ASCC3: variants seen among roughly 807,000 people sequenced by gnomAD.
The protein encoded by ASCC3 is ASC-1 complex subunit P200.
Under a neutral mutation model 256.3 loss-of-function variants are expected in ASCC3, and 158 were observed. The observed-to-expected ratio is 0.62, with a 90% CI of 0.54 to 0.70. The LOEUF (loss-of-function observed/expected upper bound fraction) is 0.70. Among genes scored for constraint, ASCC3 ranks in the 30% least tolerant of loss-of-function variants. The pLI, the probability that ASCC3 is intolerant of heterozygous loss-of-function variation, is 0.00. For synonymous variants in ASCC3, 948 were observed against 883.4 expected (o/e 1.07, Z -1.30); for missense variants, 2,259 against 2,626.0 (o/e 0.86, Z 3.05).
intron 36 of ASCC3, among the ~76,000 whole-genome samples, chr6:100,587,592 A>G (rs1301991566): frequency 6.6e-6 from 1 of 152,224 alleles, no homozygotes; most frequent in Non-Finnish European, 1.5e-5. Flanking sequence ...TGGACTAAAC[A>G]CCATGGGAGA....
intron 13 of ASCC3, among the ~76,000 whole-genome samples, chr6:100,690,862 A>C (rs1202928262): frequency 6.6e-6 from 1 of 152,048 alleles, no homozygotes; most frequent in Non-Finnish European, 1.5e-5. Flanking sequence ...TTCTCAAGAA[A>C]CCCAAGCTTT....
chr6:100,823,083 A>G (rs1771131986), intron 4 of ASCC3, among the ~76,000 whole-genome samples: 1 of 152,224 alleles, frequency 6.6e-6, no homozygotes, highest in African/African-American at 2.4e-5. Flanking sequence ...TTTGCTCTTA[A>G]TAGGATTTCC....
intron 13 of ASCC3, among the ~76,000 whole-genome samples, chr6:100,699,766 A>T (rs1778265277): frequency 6.6e-6 from 1 of 152,264 alleles, no homozygotes; most frequent in South Asian, 2.1e-4. Flanking sequence ...ACTGGAGCAA[A>T]GGTGACTCTT....
At chr6:100,837,775 G>A (rs1210497526) in intron 4 of ASCC3, among the ~76,000 whole-genome samples, 3 of 152,024 alleles carry the variant, frequency 2.0e-5, no homozygotes, top group East Asian at 3.9e-4. Flanking sequence ...CAATGGGTAC[G>A]AAGTTACAGT....
At chr6:100,828,039 T>C (rs891851222) in intron 4 of ASCC3, among the ~76,000 whole-genome samples, 1 of 150,660 alleles carries the variant, frequency 6.6e-6, no homozygotes, top group Non-Finnish European at 1.5e-5. Flanking sequence ...GAAAAATGTT[T>C]TTGTCAAACA....
intron 8 of ASCC3, among the ~76,000 whole-genome samples, chr6:100,778,347 T>C (rs1782287374): frequency 6.6e-6 from 1 of 152,142 alleles, no homozygotes; most frequent in Non-Finnish European, 1.5e-5. Context: ...CAAAATTATA[T>C]AGTAGCAGCA....
intron 4 of ASCC3, among the ~76,000 whole-genome samples, chr6:100,815,266 T>C (rs1582904383): frequency 6.6e-6 from 1 of 151,956 alleles, no homozygotes; most frequent in African/African-American, 2.4e-5. Flanking sequence ...AAATCAGAGA[T>C]AACACAAACA....
chr6:100,806,006 A>T (rs1011890003), intron 4 of ASCC3, 126 bp from the exon 5 acceptor site: 3 of 889,570 alleles, frequency 3.4e-6, no homozygotes, highest in African/African-American at 3.4e-5. Context: ...AAAATTTAAT[A>T]AAAATGGTAC....
intron 16 of ASCC3, among the ~76,000 whole-genome samples, chr6:100,657,805 T>G (rs1234539617): frequency 3.3e-5 from 5 of 151,498 alleles, no homozygotes; most frequent in Non-Finnish European, 5.9e-5. Flanking sequence ...ACAAGACTAC[T>G]CAGAAAAATG....
intron 36 of ASCC3, among the ~76,000 whole-genome samples, chr6:100,550,793 T>C (rs1769253925): frequency 6.6e-6 from 1 of 151,974 alleles, no homozygotes; most frequent in South Asian, 2.1e-4. Context: ...ATTTATTGCA[T>C]TAATCCCCTT....
chr6:100,688,745 G>A (rs1452962262), intron 13 of ASCC3, among the ~76,000 whole-genome samples: 9 of 152,126 alleles, frequency 5.9e-5, no homozygotes, highest in Admixed American at 4.6e-4. Context: ...TAACGGGCTC[G>A]CCTAGCACTG....
intron 3 of ASCC3, chr6:100,858,134 T>A (rs537604315): frequency 5.7e-5 from 13 of 226,472 alleles, no homozygotes; most frequent in Non-Finnish European, 8.5e-5. Context: ...GTAAAATAAA[T>A]TAAAATTTTA....
At chr6:100,583,508 G>A (rs886683699) in intron 36 of ASCC3, among the ~76,000 whole-genome samples, 7 of 151,940 alleles carry the variant, frequency 4.6e-5, no homozygotes, top group East Asian at 1.9e-4. Flanking sequence ...CTAGTGGTCT[G>A]TCAATTTTGT....
chr6:100,780,909 T>C (rs1269089493), intron 8 of ASCC3, among the ~76,000 whole-genome samples: 1 of 152,208 alleles, frequency 6.6e-6, no homozygotes, highest in African/African-American at 2.4e-5. Flanking sequence ...GGTTGACAAA[T>C]ACTTTACAAA....
intron 36 of ASCC3, among the ~76,000 whole-genome samples, chr6:100,563,256 T>G (rs902229323): frequency 6.6e-6 from 1 of 152,164 alleles, no homozygotes; most frequent in South Asian, 2.1e-4. Flanking sequence ...TCTTCAACTC[T>G]TTTTTGTGCT....
At chr6:100,619,272 G>A (rs1208391975) in intron 30 of ASCC3, among the ~76,000 whole-genome samples, 2 of 152,142 alleles carry the variant, frequency 1.3e-5, no homozygotes, top group African/African-American at 4.8e-5. Context: ...AGGATTAACA[G>A]TTTACTTGGA....
rs528137934 is a variant in ASCC3, at chr6:100,728,941, C to T, written c.1738-3238G>A. ...AGTCATGCCAATTCAACCTCATTTT[C>T]ACATCGGATAAAGTCAACAAGAAGG... On this transcript the variant is annotated intron_variant, in intron 10 of 41. Transcript: ENST00000369162. 4.6e-5 allele frequency among the ~76,000 whole-genome samples: 7 copies of T among 152,202 alleles called. No individual in the cohort carries two copies. In the South Asian group the frequency reaches 1.5e-3, roughly 32 times the overall value.
Position 100,815,605 on chromosome 6 carries a change from A to C in ASCC3, c.802-9725T>G, listed in dbSNP as rs1242411887. Among the ~76,000 whole-genome samples, 3 of 152,050 alleles carry C rather than the reference A, an allele frequency of 2.0e-5. No homozygotes were observed. In the East Asian group the frequency reaches 5.8e-4, roughly 29 times the overall value. On this transcript the variant is annotated intron_variant, in intron 4 of 41. Coordinates refer to ENST00000369162, the MANE Select transcript of ASCC3 (RefSeq NM_006828.4). ...AGAACAGGTTAGAGAACCCAGAAAT[A>C]GGCCCACAGACCCACAAACATCTCA...
At chr6:100,770,024 A>C (rs1781844762) in intron 8 of ASCC3, among the ~76,000 whole-genome samples, 1 of 152,106 alleles carries the variant, frequency 6.6e-6, no homozygotes, top group Admixed American at 6.5e-5. Context: ...GATGGAAATA[A>C]TATCAATTTT....
Sources: gnomAD v4.1 joint callset for allele counts (sites outside exome capture counted in the v4.1 genomes callset) on GRCh38, gnomAD v4.1.1 for gene constraint, MANE v1.5 for transcripts, NCBI Gene and HGNC (gene_info 2026-07-23, HGNC 2026-07-21) for gene names.